SLC16A7: variants seen among roughly 807,000 people sequenced by gnomAD.
The protein encoded by SLC16A7 is monocarboxylate transporter 2.
SLC16A7 carries 33 observed loss-of-function variants against 34.9 expected under a neutral mutation model. The observed-to-expected ratio is 0.94, with a 90% confidence interval of 0.72 to 1.26. SLC16A7 has a LOEUF of 1.26. Ranked by LOEUF, SLC16A7 falls within the 50% of genes most tolerant of loss-of-function variation. SLC16A7 has a pLI of 0.00. For synonymous variants in SLC16A7, 201 were observed against 206.6 expected, an observed-to-expected ratio of 0.97 and a Z score of 0.23; for missense variants, 573 against 578.1, an observed-to-expected ratio of 0.99 and a Z score of 0.09.
chr12:59,758,987 CTT>C (rs1880711918), intron 3 of SLC16A7, among the ~76,000 whole-genome samples: 1 of 151,332 alleles, frequency 6.6e-6, no homozygotes, highest in East Asian at 1.9e-4. Flanking sequence ...AATCATTAGT[CTT>C]TTTTATGAGT....
rs191387233 is a variant in SLC16A7, at chr12:59,696,843, G to T, written c.-30-7929G>T. Among the ~76,000 whole-genome samples the T allele has an allele frequency of 1.0e-3, 153 of 152,000 alleles. 2 individuals are homozygous for T. The highest frequency in any genetic ancestry group is 3.6e-3 in the African/African-American group (148 of 41,518). On this transcript the variant is annotated intron_variant, in intron 2 of 5. Transcript: ENST00000547379. ...GAAAAACAAAATAAGTAGTAGATAA[G>T]AAAATGAAGAAGTATGTGAGTGGCG...
chr12:59,637,011 G>A (rs1422081905), intron 1 of SLC16A7, among the ~76,000 whole-genome samples: 1 of 152,068 alleles, frequency 6.6e-6, no homozygotes, highest in Non-Finnish European at 1.5e-5. Flanking sequence ...AAATAGTTAA[G>A]AATAATCAGC....
At chr12:59,701,839 G>C (rs1872921305) in intron 2 of SLC16A7, among the ~76,000 whole-genome samples, 1 of 151,740 alleles carries the variant, frequency 6.6e-6, no homozygotes, top group Admixed American at 6.6e-5. Flanking sequence ...TTTGAAGTGA[G>C]TGAAAAATAA....
chr12:59,724,653 A>G (rs1230263048), intron 3 of SLC16A7, among the ~76,000 whole-genome samples: 1 of 152,080 alleles, frequency 6.6e-6, no homozygotes, highest in Non-Finnish European at 1.5e-5. Context: ...GCCAAGCTGC[A>G]TAAAAGAAAA....
At chr12:59,744,746 C>T (rs1224421289) in intron 3 of SLC16A7, among the ~76,000 whole-genome samples, 5 of 152,184 alleles carry the variant, frequency 3.3e-5, no homozygotes, top group African/African-American at 1.2e-4. Flanking sequence ...TCTGAGGCTT[C>T]GGCGATAGCA....
chr12:59,746,637 A>G (rs1169966869), intron 3 of SLC16A7, among the ~76,000 whole-genome samples: 2 of 152,202 alleles, frequency 1.3e-5, no homozygotes, highest in Non-Finnish European at 1.5e-5. Flanking sequence ...GGTTCAAGCT[A>G]TGTTAGCATT....
At chr12:59,687,821 T>C (rs1685317016) in intron 2 of SLC16A7, among the ~76,000 whole-genome samples, 1 of 152,064 alleles carries the variant, frequency 6.6e-6, no homozygotes, top group Non-Finnish European at 1.5e-5. Context: ...TTAAACATAC[T>C]CTTGGACATG....
intron 3 of SLC16A7, among the ~76,000 whole-genome samples, chr12:59,727,899 C>T (rs1876478287): frequency 6.6e-6 from 1 of 151,856 alleles, no homozygotes; most frequent in Non-Finnish European, 1.5e-5. Flanking sequence ...AAGAGAGAGA[C>T]AAAAGGTCAG....
chr12:59,662,663 T>C (rs1323759360), intron 2 of SLC16A7, among the ~76,000 whole-genome samples: 1 of 152,142 alleles, frequency 6.6e-6, no homozygotes, highest in Non-Finnish European at 1.5e-5. Flanking sequence ...ACTTAGTTGC[T>C]CAACTTTAGT....
intron 2 of SLC16A7, among the ~76,000 whole-genome samples, chr12:59,695,429 C>G (rs1460598322): frequency 2.0e-5 from 3 of 152,028 alleles, no homozygotes; most frequent in Non-Finnish European, 4.4e-5. Flanking sequence ...TCTCACTGCT[C>G]TAATCCCAGG....
chr12:59,693,912 TACTTAAAAAAGTC>T (rs1351656811), intron 2 of SLC16A7, among the ~76,000 whole-genome samples: 4 of 151,944 alleles, frequency 2.6e-5, no homozygotes, highest in Non-Finnish European at 5.9e-5. Context: ...CTAGACATTA[TACTTAAAAAAGTC>T]ACTTTGCAAT....
intron 3 of SLC16A7, among the ~76,000 whole-genome samples, chr12:59,709,352 G>A (rs537855208): frequency 1.1e-4 from 17 of 151,548 alleles, no homozygotes; most frequent in Non-Finnish European, 2.4e-4. Context: ...GTTTTGTGAT[G>A]AACTACTTTA....
intron 3 of SLC16A7, among the ~76,000 whole-genome samples, chr12:59,751,924 T>A (rs1879628836): frequency 6.6e-6 from 1 of 152,048 alleles, no homozygotes; most frequent in Non-Finnish European, 1.5e-5. Context: ...AGAGGAACGA[T>A]CAGACAGCAG....
intron 3 of SLC16A7, among the ~76,000 whole-genome samples, chr12:59,727,783 G>A (rs143071714): frequency 8.2e-4 from 124 of 151,056 alleles, no homozygotes; most frequent in African/African-American, 3.0e-3. Flanking sequence ...TGGTGAGGGC[G>A]ATGTTTACAT....
intron 3 of SLC16A7, among the ~76,000 whole-genome samples, chr12:59,738,238 C>T (rs185760894): frequency 3.3e-5 from 5 of 152,254 alleles, no homozygotes; most frequent in Non-Finnish European, 4.4e-5. Context: ...CACACCATCA[C>T]AAGAATGAAA....
chr12:59,685,948 G>A (rs1333581759), intron 2 of SLC16A7, among the ~76,000 whole-genome samples: 1 of 151,896 alleles, frequency 6.6e-6, no homozygotes, highest in African/African-American at 2.4e-5. Context: ...AAACTAAATT[G>A]TGATTTGAGA....
chr12:59,681,886 G>A (rs538426432), intron 2 of SLC16A7, among the ~76,000 whole-genome samples: 4 of 151,994 alleles, frequency 2.6e-5, no homozygotes, highest in African/African-American at 9.6e-5. Context: ...CTCAGAATAG[G>A]TCTATTTCTA....
intron 3 of SLC16A7, among the ~76,000 whole-genome samples, chr12:59,738,806 G>A (rs1200845479): frequency 6.6e-6 from 1 of 151,242 alleles, no homozygotes; most frequent in East Asian, 1.9e-4. Flanking sequence ...ATTAAGAGCA[G>A]ATTTTTGTTT....
rs755055527 is a variant in SLC16A7 at position 59,774,641 on chromosome 12, G to A, written c.362-16G>A. 1.3e-6 allele frequency: 2 copies of A among 1,507,808 alleles called. No individual in the cohort carries two copies. Among genetic ancestry groups the A allele is most frequent in the Admixed American group, 4.3e-5 (2 of 46,276 alleles). The allele number at this position is 1,507,808 out of a possible 1,614,324, so 93.4% of individuals were successfully genotyped here. A position where few individuals can be genotyped will look rare whatever the true frequency, so the allele number is the denominator to read the frequency against. ...TGTGTTTGTGTTTTCCCCCACTTTT[G>A]TTTTGTTCTTTTTAGGTTTAGGTTT... On this transcript the variant is annotated splice_polypyrimidine_tract_variant and intron_variant, in intron 4 of 5. Transcript: ENST00000547379.
Sources: gnomAD v4.1 joint callset for allele counts (sites outside exome capture counted in the v4.1 genomes callset) on GRCh38, gnomAD v4.1.1 for gene constraint, MANE v1.5 for transcripts, NCBI Gene and HGNC (gene_info 2026-07-23, HGNC 2026-07-21) for gene names.